IMMP2L: variants seen among roughly 807,000 people sequenced by gnomAD.
IMMP2L encodes the protein mitochondrial inner membrane protease subunit 2.
In IMMP2L, 18 loss-of-function variants were observed where a neutral mutation model predicts 19.3. That is an observed-to-expected ratio of 0.93 (90% CI 0.64 to 1.38). The LOEUF (loss-of-function observed/expected upper bound fraction) is 1.38, where lower values mean the gene tolerates loss of function less well. IMMP2L is among the 40% of genes most tolerant of loss of function. IMMP2L has a pLI of 0.00. For missense variants in IMMP2L, 233 were observed against 218.2 expected, an observed-to-expected ratio of 1.07 and a Z score of -0.43; for synonymous variants, 76 against 73.0, an observed-to-expected ratio of 1.04 and a Z score of -0.21.
intron 5 of IMMP2L, among the ~76,000 whole-genome samples, chr7:110,742,454 C>G (rs1287263782): frequency 6.6e-6 from 1 of 152,056 alleles, no homozygotes; most frequent in Non-Finnish European, 1.5e-5. Flanking sequence ...TGCAATGAAA[C>G]ACTATGCGAC....
At chr7:111,327,635 T>A (rs749846713) in intron 3 of IMMP2L, among the ~76,000 whole-genome samples, 5 of 151,614 alleles carry the variant, frequency 3.3e-5, no homozygotes, top group Non-Finnish European at 7.4e-5. Flanking sequence ...GTGCTATTTG[T>A]GCATGAAAAG....
chr7:111,463,796 A>G (rs1840361598), intron 3 of IMMP2L, among the ~76,000 whole-genome samples: 1 of 152,042 alleles, frequency 6.6e-6, no homozygotes, highest in East Asian at 1.9e-4. Flanking sequence ...AACTCTCTTC[A>G]TTGTCCCCAT....
intron 5 of IMMP2L, among the ~76,000 whole-genome samples, chr7:110,731,692 C>A (rs1796286137): frequency 6.6e-6 from 1 of 152,074 alleles, no homozygotes; most frequent in Non-Finnish European, 1.5e-5. Flanking sequence ...TAATACCTTG[C>A]AATAATTAGG....
At chr7:110,863,492 A>G (rs761909943) in intron 5 of IMMP2L, among the ~76,000 whole-genome samples, 3 of 152,122 alleles carry the variant, frequency 2.0e-5, no homozygotes, top group Non-Finnish European at 4.4e-5. Flanking sequence ...CCACTTTCTG[A>G]TGGTGAGAAA....
At chr7:110,668,895 T>C (rs938454358) in intron 5 of IMMP2L, among the ~76,000 whole-genome samples, 3 of 151,918 alleles carry the variant, frequency 2.0e-5, no homozygotes, top group South Asian at 2.1e-4. Flanking sequence ...GCAAAGAGTA[T>C]AGTGAATATA....
intron 5 of IMMP2L, among the ~76,000 whole-genome samples, chr7:110,702,540 T>C (rs528536566): frequency 6.6e-6 from 1 of 152,328 alleles, no homozygotes; most frequent in Admixed American, 6.5e-5. Flanking sequence ...TATGGAGCTT[T>C]GCTATCCAAG....
intron 5 of IMMP2L, among the ~76,000 whole-genome samples, chr7:110,745,497 G>A (rs1797276177): frequency 6.6e-6 from 1 of 152,194 alleles, no homozygotes; most frequent in Non-Finnish European, 1.5e-5. Flanking sequence ...AGGGCAGCCA[G>A]AGAGAAACGT....
intron 4 of IMMP2L, among the ~76,000 whole-genome samples, chr7:110,957,418 T>C (rs571306637): frequency 6.6e-6 from 1 of 152,112 alleles, no homozygotes; most frequent in African/African-American, 2.4e-5. Flanking sequence ...AGAAGCTAGA[T>C]ATTATTTTCT....
chr7:111,126,671 G>A (rs915849910), intron 3 of IMMP2L, among the ~76,000 whole-genome samples: 3 of 151,880 alleles, frequency 2.0e-5, no homozygotes, highest in African/African-American at 7.3e-5. Flanking sequence ...AAAAAAAAGA[G>A]AATTAAGATT....
chr7:111,521,205 T>A lies in IMMP2L; in HGVS notation c.135+108A>T, dbSNP rs1019034194. On this transcript the variant is annotated intron_variant, in intron 2 of 5. Coordinates refer to ENST00000405709, the MANE Select transcript of IMMP2L (RefSeq NM_032549.4). ...GTAAAATTTCATTTCAATGCCTTTT[T>A]ATAACCTTTCAGTTCCCAGAATAGG... The A allele has an allele frequency of 2.0e-5, 25 of 1,228,010 alleles. No homozygotes were observed. The African/African-American group carries it at 3.8e-4, about 18-fold the overall frequency. The allele number at this position is 1,228,010 out of a possible 1,614,324, so 76.1% of individuals were successfully genotyped here.
chr7:111,261,237 C>T (rs943658302), intron 3 of IMMP2L, among the ~76,000 whole-genome samples: 1 of 152,062 alleles, frequency 6.6e-6, no homozygotes, highest in African/African-American at 2.4e-5. Context: ...GTTTAGCTCT[C>T]TGAGGTAAAT....
At chr7:110,735,551 T>C (rs1368832638) in intron 5 of IMMP2L, among the ~76,000 whole-genome samples, 2 of 151,378 alleles carry the variant, frequency 1.3e-5, no homozygotes, top group Non-Finnish European at 2.9e-5. Flanking sequence ...TCCCAGCAAT[T>C]TGTGAGGCTG....
intron 3 of IMMP2L, among the ~76,000 whole-genome samples, chr7:111,438,365 T>C (rs1269800709): frequency 1.1e-4 from 16 of 151,794 alleles, no homozygotes; most frequent in Admixed American, 7.2e-4. Flanking sequence ...CTGTCATCTC[T>C]TTTTTATTAA....
intron 5 of IMMP2L, among the ~76,000 whole-genome samples, chr7:110,858,600 A>AT (rs2129542455): frequency 6.6e-6 from 1 of 152,050 alleles, no homozygotes; most frequent in East Asian, 1.9e-4. Context: ...ACTTTATTTT[A>AT]TTTTATTTTA....
chr7:110,956,459 A>T (rs1398485956), intron 4 of IMMP2L, among the ~76,000 whole-genome samples: 2 of 152,008 alleles, frequency 1.3e-5, no homozygotes, highest in African/African-American at 4.8e-5. Flanking sequence ...AATTCTCCTG[A>T]ACAGTCAGGC....
chr7:111,086,367 G>A (rs980558514), intron 3 of IMMP2L, among the ~76,000 whole-genome samples: 1 of 151,996 alleles, frequency 6.6e-6, no homozygotes, highest in Non-Finnish European at 1.5e-5. Flanking sequence ...TTGAGCCCAG[G>A]ATTTCGAGGT....
At chr7:111,420,130 CTAATTA>C (rs1835347699) in intron 3 of IMMP2L, among the ~76,000 whole-genome samples, 1 of 151,726 alleles carries the variant, frequency 6.6e-6, no homozygotes, top group African/African-American at 2.4e-5. Flanking sequence ...TTCAATTGTT[CTAATTA>C]TATTTACATT....
At chr7:110,777,149 C>G (rs774434599) in intron 5 of IMMP2L, among the ~76,000 whole-genome samples, 10 of 151,978 alleles carry the variant, frequency 6.6e-5, no homozygotes, top group Non-Finnish European at 2.9e-5. Flanking sequence ...CATGGGCCTT[C>G]TTATCATTGG....
intron 3 of IMMP2L, among the ~76,000 whole-genome samples, chr7:111,418,164 C>T (rs780064989): frequency 2.6e-5 from 4 of 151,722 alleles, no homozygotes; most frequent in African/African-American, 7.3e-5. Flanking sequence ...CCATCTTTTA[C>T]GAAATTGTAA....
Sources: gnomAD v4.1 joint callset for allele counts (sites outside exome capture counted in the v4.1 genomes callset) on GRCh38, gnomAD v4.1.1 for gene constraint, MANE v1.5 for transcripts, NCBI Gene and HGNC (gene_info 2026-07-23, HGNC 2026-07-21) for gene names.